Variants in ZFX observed in about 807,000 individuals in gnomAD.
The protein encoded by ZFX is zinc finger protein X-linked.
For missense variants in ZFX, 362 were observed against 628.3 expected (o/e 0.58, Z 4.53); for synonymous variants, 196 against 226.8 (o/e 0.86, Z 1.22).
In ZFX at chrX:24,156,678, G is replaced by A. The variant is rs1445708713; in HGVS notation, c.-29+3848G>A. Among the ~76,000 whole-genome samples the A allele has an allele frequency of 9.3e-4, 33 of 35,573 alleles. 2 individuals carry two copies. The highest frequency in any genetic ancestry group is 2.5e-3 in the South Asian group (1 of 398). The allele number at this position is 35,573 out of a possible 115,157, so 30.9% of individuals were successfully genotyped here. A position where few individuals can be genotyped will look rare whatever the true frequency, so the allele number is the denominator to read the frequency against. ...TAATAGCCTTTTTTTTTTTGGAGAC[G>A]GAGTTTTGCTCTGTCGCCCAGGCTG... On this transcript the variant is annotated intron_variant, in intron 3 of 9. Transcript: ENST00000304543.
chrX:24,189,039 G>C (rs1304764656), intron 5 of ZFX, among the ~76,000 whole-genome samples: 1 of 111,556 alleles, frequency 9.0e-6, no homozygotes, highest in Non-Finnish European at 1.9e-5. Context: ...GGGTTTCACT[G>C]TGTTAACCAG....
rs1569169457 is a variant in ZFX at position 24,208,318 on chromosome X, G to A, written c.1041G>A (p.Met347Ile). 8.3e-7 allele frequency: 1 copy of A among 1,209,738 alleles called. No individual in the cohort carries two copies. The highest frequency in any genetic ancestry group is 3.0e-5 in the East Asian group (1 of 33,748). The change falls in exon 8 of 10, where the codon ATG becomes ATA. Residue 347 changes from methionine (M) to isoleucine (I), a missense_variant. By Grantham distance (10) the Met-to-Ile change is conservative. Transcript: ENST00000304543. ...AAAAAVHEQQ[M>I]DDNEIKTFMP... ...CCGCCGCCGTGCACGAGCAGCAAAT[G>A]GATGACAATGAAATCAAAACCTTCA...
At chrX:24,170,067 C>T (rs868230902) in intron 3 of ZFX, among the ~76,000 whole-genome samples, 8 of 110,621 alleles carry the variant, frequency 7.2e-5, no homozygotes, top group East Asian at 2.8e-4. Flanking sequence ...GAAATTTGTG[C>T]GGTGAGGGGC....
intron 3 of ZFX, among the ~76,000 whole-genome samples, chrX:24,159,210 G>T (rs1933002489): frequency 9.0e-6 from 1 of 110,903 alleles, no homozygotes; most frequent in African/African-American, 3.3e-5. Flanking sequence ...GGCTAGTCTT[G>T]AACTCCTGGT....
At chrX:24,208,867 T>C (rs1039651516) in intron 8 of ZFX, 33 bp from the exon 9 acceptor site, 6 of 1,155,660 alleles carry the variant, frequency 5.2e-6, no homozygotes, top group East Asian at 3.1e-5. Context: ...TTTATAATAC[T>C]GTATAATTTT....
At chrX:24,184,024 A>C (rs1415369742) in intron 5 of ZFX, among the ~76,000 whole-genome samples, 3 of 111,442 alleles carry the variant, frequency 2.7e-5, no homozygotes, top group Non-Finnish European at 3.8e-5. Flanking sequence ...GCCTCCCAAA[A>C]TGCTGGGATT....
intron 5 of ZFX, among the ~76,000 whole-genome samples, chrX:24,183,310 G>A (rs1274161746): frequency 9.0e-6 from 1 of 111,420 alleles, no homozygotes; most frequent in Non-Finnish European, 1.9e-5. Context: ...TTGGCCTCCC[G>A]AGTAGCTGGG....
chrX:24,185,166 G>C (rs962665551), intron 5 of ZFX, among the ~76,000 whole-genome samples: 46 of 111,149 alleles, frequency 4.1e-4, no homozygotes, highest in African/African-American at 1.5e-3. Context: ...TGCCCAGGCT[G>C]GTCTTGAACC....
At chrX:24,171,251 A>G (rs1310572834) in intron 3 of ZFX, among the ~76,000 whole-genome samples, 1 of 111,506 alleles carries the variant, frequency 9.0e-6, no homozygotes, top group Non-Finnish European at 1.9e-5. Flanking sequence ...TTTAGAGGGA[A>G]AGATCAAAGC....
rs1311260334 is a variant in ZFX, at chrX:24,201,157, CTT to C, written c.647-6164_647-6163del. On this transcript the variant is annotated intron_variant, in intron 5 of 9. Coordinates refer to ENST00000304543, the MANE Select transcript of ZFX (RefSeq NM_003410.4). ...GTACTTAACAGGACCATAAAAGTGT[CTT>C]TTTTAAAGATAAATCATTCCTGTAA... is the stretch of plus-strand genomic sequence containing the variant. Among the ~76,000 whole-genome samples, 4 of 111,778 alleles carry C rather than the reference CTT, an allele frequency of 3.6e-5. No individual in the cohort carries two copies. In the East Asian group the frequency reaches 1.1e-3, roughly 31 times the overall value.
intron 3 of ZFX, among the ~76,000 whole-genome samples, chrX:24,164,431 T>A (rs1476684057): frequency 1.8e-5 from 2 of 112,000 alleles, no homozygotes; most frequent in Non-Finnish European, 3.8e-5. Context: ...TTGCCAGTGC[T>A]TAAGGTATAC....
At chrX:24,185,964 C>T (rs1936080232) in intron 5 of ZFX, among the ~76,000 whole-genome samples, 4 of 106,992 alleles carry the variant, frequency 3.7e-5, no homozygotes, top group Admixed American at 2.0e-4. Context: ...CCCAAAACCC[C>T]CCTAAAACAC....
intron 4 of ZFX, chrX:24,177,604 C>T (rs1935267418): frequency 1.8e-6 from 1 of 569,177 alleles, no homozygotes; most frequent in South Asian, 9.2e-5. Context: ...CCAGAGCCTC[C>T]TCAACCCAGT....
At chrX:24,193,892 A>G (rs2147870695) in intron 5 of ZFX, among the ~76,000 whole-genome samples, 1 of 111,767 alleles carries the variant, frequency 8.9e-6, no homozygotes, top group South Asian at 3.7e-4. Context: ...CTGTTGAGCA[A>G]CCATCAGTAT....
chrX:24,212,326 A>G lies in ZFX; in HGVS notation c.*950A>G, dbSNP rs771025745. 3.6e-4 allele frequency: 40 copies of G among 112,341 alleles called. No individual in the cohort carries two copies. The highest frequency in any genetic ancestry group is 1.1e-3 in the African/African-American group (34 of 30,838). 9.3% of individuals were successfully genotyped at this position (112,341 alleles called of 1,213,427 possible). On this transcript the variant is annotated 3_prime_UTR_variant, in exon 10 of 10. Transcript: ENST00000304543. ...CCCAAGTAGTAGTTGTTTAAAATCT[A>G]TAATGAAAAGTATTAAATTTACAAT...
At chrX:24,199,902 AG>A (rs1430307685) in intron 5 of ZFX, among the ~76,000 whole-genome samples, 1 of 107,088 alleles carries the variant, frequency 9.3e-6, no homozygotes, top group East Asian at 3.0e-4. Flanking sequence ...GGGCAACAAG[AG>A]CGAAACTCCG....
intron 4 of ZFX, chrX:24,173,510 A>C: frequency 9.6e-7 from 1 of 1,039,467 alleles, no homozygotes; most frequent in Non-Finnish European, 1.2e-6. Context: ...AGGAAAAAAA[A>C]CAGTATTAGA....
chrX:24,156,660 C>CT lies in ZFX; in HGVS notation c.-29+3841dup, dbSNP rs767019753. On this transcript the variant is annotated intron_variant, in intron 3 of 9. Coordinates refer to ENST00000304543, the MANE Select transcript of ZFX (RefSeq NM_003410.4). ...TATACTATCCTGATTTAATAATAGC[C>CT]TTTTTTTTTTTGGAGACGGAGTTTT... 4.8e-3 allele frequency among the ~76,000 whole-genome samples: 398 copies of CT among 83,508 alleles called. 9 individuals are homozygous for CT. The highest frequency in any genetic ancestry group is 7.4e-3 in the Middle Eastern group (1 of 136). The allele number at this position is 83,508 out of a possible 115,157, so 72.5% of individuals were successfully genotyped here. A position where few individuals can be genotyped will look rare whatever the true frequency, so the allele number is the denominator to read the frequency against.
chrX:24,162,781 A>G (rs772118137), intron 3 of ZFX, among the ~76,000 whole-genome samples: 28 of 111,483 alleles, frequency 2.5e-4, no homozygotes, highest in African/African-American at 8.8e-4. Context: ...TTCTGTAACT[A>G]TTATCACTAA....
Sources: gnomAD v4.1 joint callset for allele counts (sites outside exome capture counted in the v4.1 genomes callset) on GRCh38, gnomAD v4.1.1 for gene constraint, MANE v1.5 for transcripts, NCBI Gene and HGNC (gene_info 2026-07-23, HGNC 2026-07-21) for gene names.